The following TAF5L variants were observed in gnomAD, a reference collection of about 807,000 sequenced individuals.
The protein encoded by TAF5L is TAF5-like RNA polymerase II p300/CBP-associated factor-associated factor 65 kDa subunit 5L.
Under a neutral mutation model 51.3 loss-of-function variants are expected in TAF5L, and 7 were observed. The observed-to-expected ratio is 0.14, with a 90% CI of 0.08 to 0.26. The LOEUF is 0.26. Among genes scored for constraint, TAF5L ranks in the 10% least tolerant of loss-of-function variants. TAF5L has a pLI of 1.00. For missense variants in TAF5L, 575 were observed against 758.9 expected, an observed-to-expected ratio of 0.76 and a Z score of 2.85; for synonymous variants, 291 against 308.1, an observed-to-expected ratio of 0.94 and a Z score of 0.58.
intron 4 of TAF5L, among the ~76,000 whole-genome samples, chr1:229,596,142 C>T (rs889156379): frequency 1.3e-5 from 2 of 152,100 alleles, no homozygotes; most frequent in African/African-American, 4.8e-5. Flanking sequence ...GGCATGGTGG[C>T]GCATGCCTGT....
At chr1:229,624,902 A>G (rs73101780) in intron 1 of TAF5L, among the ~76,000 whole-genome samples, 2,188 of 152,310 alleles carry the variant, frequency 0.014, 58 homozygotes, top group African/African-American at 0.048. Flanking sequence ...GGCACACTTG[A>G]ATCGCCTGAT....
chr1:229,610,107 A>G (rs1332813596), exon 3 of TAF5L: 1 of 1,613,798 alleles, frequency 6.2e-7, no homozygotes, highest in Admixed American at 1.7e-5. Context: ...AGTACTTACC[A>G]GTGAGAAAAT....
At chr1:229,605,123 T>G (rs754978178) in intron 3 of TAF5L, among the ~76,000 whole-genome samples, 1 of 150,712 alleles carries the variant, frequency 6.6e-6, no homozygotes, top group East Asian at 1.9e-4. Flanking sequence ...TATATATATA[T>G]ATGTATTTTT....
At chr1:229,619,831 T>C (rs1257137030) in intron 1 of TAF5L, among the ~76,000 whole-genome samples, 2 of 152,282 alleles carry the variant, frequency 1.3e-5, no homozygotes, top group Admixed American at 6.5e-5. Context: ...AAGCCTCTCT[T>C]GTGGCTCTGC....
chr1:229,624,553 G>A (rs1273676080), intron 1 of TAF5L, among the ~76,000 whole-genome samples: 2 of 151,902 alleles, frequency 1.3e-5, no homozygotes, highest in Non-Finnish European at 2.9e-5. Context: ...TGAGGCGGGA[G>A]GACTGCTTGA....
intron 1 of TAF5L, among the ~76,000 whole-genome samples, chr1:229,619,896 C>G (rs897680087): frequency 1.3e-5 from 2 of 152,190 alleles, no homozygotes; most frequent in African/African-American, 4.8e-5. Context: ...ACCACACCAC[C>G]ATGCAAGACT....
At chr1:229,603,812 G>A (rs1157270253) in intron 3 of TAF5L, among the ~76,000 whole-genome samples, 1 of 152,214 alleles carries the variant, frequency 6.6e-6, no homozygotes, top group African/African-American at 2.4e-5. Flanking sequence ...AAGTGCTTAA[G>A]GCATGCTGTG....
At chr1:229,615,446 G>A (rs12747837) in intron 1 of TAF5L, among the ~76,000 whole-genome samples, 14,725 of 152,102 alleles carry the variant, frequency 0.097, 950 homozygotes, top group Non-Finnish European at 0.14. Context: ...TTAAACCACA[G>A]GTATAGAAAG....
chr1:229,601,879 T>C (rs1399448582), intron 4 of TAF5L: 11 of 1,125,996 alleles, frequency 9.8e-6, no homozygotes, highest in South Asian at 5.1e-5. Flanking sequence ...CATAAGTGTA[T>C]ATTTACTGCA....
chr1:229,610,256 G>A (rs1166349211), intron 2 of TAF5L, 46 bp from the exon 3 acceptor site: 17 of 1,572,840 alleles, frequency 1.1e-5, no homozygotes, highest in Middle Eastern at 1.7e-4. Context: ...ACAGAGAGAC[G>A]ATTATTAACC....
chr1:229,614,591 A>G, intron 1 of TAF5L, 106 bp from the exon 2 acceptor site: 1 of 1,449,730 alleles, frequency 6.9e-7, no homozygotes, highest in Non-Finnish European at 9.4e-7. Flanking sequence ...GAGAAAGACC[A>G]GCCATGTGGC....
intron 4 of TAF5L, among the ~76,000 whole-genome samples, chr1:229,598,612 ATC>A (rs1272983496): frequency 1.3e-5 from 2 of 152,110 alleles, no homozygotes; most frequent in Non-Finnish European, 2.9e-5. Context: ...TTGGTTTGGT[ATC>A]TCTGTGGTTT....
chr1:229,598,855 C>G (rs763499890), intron 4 of TAF5L, among the ~76,000 whole-genome samples: 4 of 151,978 alleles, frequency 2.6e-5, no homozygotes, highest in East Asian at 1.9e-4. Context: ...TCTGCCACCA[C>G]GCCCAGCTAA....
Position 229,594,410 on chromosome 1 carries a change from T to C in TAF5L, c.1657A>G (p.Ser553Gly). ...CCGGTGTACACGCCCACGAGCTCGC[T>C]GGAGGAGCCGTCGGCAGGTGCACTG... Residue 553 changes from serine (S) to glycine (G), a missense_variant, in exon 5 of 5, where the codon AGC (serine) becomes GGC (glycine). By Grantham distance (56) the Ser-to-Gly change is moderately conservative (BLOSUM62 0). Around this residue, in one of 3 missense-constraint regions of TAF5L, gnomAD observed 91 missense variants for 96.9 expected, o/e 0.94. Coordinates refer to ENST00000258281, the Ensembl canonical transcript of TAF5L. This position sits in a 1 kb window ranked among gnomAD's most constrained non-coding sequence, Gnocchi z 7.9. 1 of 1,614,182 alleles carries C rather than the reference T, an allele frequency of 6.2e-7. No individual in the cohort carries two copies. Among genetic ancestry groups the C allele is most frequent in the Non-Finnish European group, 8.5e-7 (1 of 1,180,042 alleles).
At chr1:229,606,779 T>G in intron 3 of TAF5L, 1 of 985,450 alleles carries the variant, frequency 1.0e-6, no homozygotes, top group South Asian at 4.7e-5. Flanking sequence ...ATCCAGAGGT[T>G]GCTTGACTCC....
chr1:229,614,588 A>C (rs1571849462), intron 1 of TAF5L, 103 bp from the exon 2 acceptor site: 4 of 1,468,092 alleles, frequency 2.7e-6, no homozygotes, highest in Non-Finnish European at 2.8e-6. Context: ...GGAGAGAAAG[A>C]CCAGCCATGT....
At chr1:229,618,741 C>T (rs572840524) in intron 1 of TAF5L, among the ~76,000 whole-genome samples, 1 of 152,264 alleles carries the variant, frequency 6.6e-6, no homozygotes, top group African/African-American at 2.4e-5. Context: ...CACGCTGCAT[C>T]CTATCCCTCC....
At chr1:229,603,972 C>G (rs1664487563) in intron 3 of TAF5L, among the ~76,000 whole-genome samples, 1 of 152,182 alleles carries the variant, frequency 6.6e-6, no homozygotes, top group Non-Finnish European at 1.5e-5. Flanking sequence ...GTAGTTCTGG[C>G]AAAATCCATC....
chr1:229,625,743 TC>T lies in TAF5L; in HGVS notation c.-4+141del, dbSNP rs1432650963. On this transcript the variant is annotated intron_variant, in intron 1 of 4. Coordinates refer to ENST00000258281, the Ensembl canonical transcript of TAF5L. This position sits in a 1 kb window ranked among gnomAD's most constrained non-coding sequence, Gnocchi z 4.0. ...CCGCCCGCCGCCCCCCAGCCCCGCC[TC>T]CCGCGCCCCACCCCCACCGCCCGCC... 1 of 9,102 alleles carries T rather than the reference TC, an allele frequency of 1.1e-4. No homozygotes were observed. The highest frequency in any genetic ancestry group is 2.4e-4 in the Non-Finnish European group (1 of 4,176). The allele number at this position is 9,102 out of a possible 1,614,324, so 0.6% of individuals were successfully genotyped here.
Sources: gnomAD v4.1 joint callset for allele counts (sites outside exome capture counted in the v4.1 genomes callset) on GRCh38, gnomAD v4.1.1 for gene constraint, gnomAD v4.1.1 regional missense constraint, Gnocchi (gnomAD v3.1) non-coding constraint, MANE v1.5 for transcripts, NCBI Gene and HGNC (gene_info 2026-07-23, HGNC 2026-07-21) for gene names.